The following ADAMTS17 variants were observed in gnomAD, a reference collection of about 807,000 sequenced individuals.
The protein encoded by ADAMTS17 is A disintegrin and metalloproteinase with thrombospondin motifs 17.
Under a neutral mutation model 141.5 loss-of-function variants are expected in ADAMTS17, and 113 were observed. The ratio of observed to expected loss-of-function variants is 0.80; its 90% CI spans 0.69 to 0.93. ADAMTS17 has a LOEUF of 0.93. Ranked by LOEUF, ADAMTS17 falls within the 40% of genes least tolerant of loss-of-function variation. ADAMTS17 has a pLI of 0.00. For synonymous variants in ADAMTS17, 768 were observed against 630.6 expected (o/e 1.22, Z -3.27); for missense variants, 1,659 against 1,517.9 (o/e 1.09, Z -1.54).
intron 7 of ADAMTS17, among the ~76,000 whole-genome samples, chr15:100,199,738 C>G: frequency 6.6e-6 from 1 of 152,216 alleles, no homozygotes; most frequent in East Asian, 1.9e-4. Flanking sequence ...AAAGGTAACT[C>G]TCCCAAGGTC....
Position 100,066,583 on chromosome 15 carries a change from T to A in ADAMTS17, c.2138-12529A>T, listed in dbSNP as rs532226038. On this transcript the variant is annotated intron_variant, in intron 15 of 21. Transcript: ENST00000268070. ...CTGGCTTTATCTATAAATGTCTTCATTGACATTCTCTTGGCTTTGAGAAAT... is the reference window on the plus strand; with the variant it reads ...CTGGCTTTATCTATAAATGTCTTCAATGACATTCTCTTGGCTTTGAGAAAT... Among the ~76,000 whole-genome samples the A allele has an allele frequency of 2.0e-5, 3 of 152,344 alleles. No individual in the cohort carries two copies. The South Asian group carries it at 6.2e-4, about 32-fold the overall frequency.
intron 18 of ADAMTS17, among the ~76,000 whole-genome samples, chr15:100,016,868 G>C (rs2061300492): frequency 6.6e-6 from 1 of 152,234 alleles, no homozygotes; most frequent in South Asian, 2.1e-4. Context: ...ATGCTTTCCA[G>C]AGAGCACCAG....
chr15:99,984,061 C>G (rs534196800), intron 20 of ADAMTS17, among the ~76,000 whole-genome samples: 1 of 152,288 alleles, frequency 6.6e-6, no homozygotes, highest in East Asian at 1.9e-4. Context: ...CCCAGACACC[C>G]CCTCCCACGC....
chr15:100,074,728 GC>G (rs1218864769), intron 15 of ADAMTS17, among the ~76,000 whole-genome samples: 1 of 151,976 alleles, frequency 6.6e-6, no homozygotes, highest in Non-Finnish European at 1.5e-5. Flanking sequence ...TATTATTCTT[GC>G]TTTAATTAGG....
chr15:100,207,254 C>G (rs2041609768), intron 7 of ADAMTS17, among the ~76,000 whole-genome samples: 1 of 152,140 alleles, frequency 6.6e-6, no homozygotes, highest in South Asian at 2.1e-4. Flanking sequence ...CAGGTGAGGA[C>G]ACAGTGAGAA....
chr15:100,082,474 C>A (rs2034808412), intron 15 of ADAMTS17, among the ~76,000 whole-genome samples: 2 of 151,894 alleles, frequency 1.3e-5, no homozygotes, highest in African/African-American at 2.4e-5. Flanking sequence ...TCTGCACCCC[C>A]ACCCCAGCTC....
chr15:100,150,725 C>T (rs1231228089), intron 10 of ADAMTS17, among the ~76,000 whole-genome samples: 1 of 152,174 alleles, frequency 6.6e-6, no homozygotes, highest in East Asian at 1.9e-4. Flanking sequence ...TGGCCCGCCA[C>T]ATCTCACTGG....
chr15:100,059,042 C>G (rs2032894836), intron 15 of ADAMTS17, among the ~76,000 whole-genome samples: 1 of 152,214 alleles, frequency 6.6e-6, no homozygotes, highest in Non-Finnish European at 1.5e-5. Flanking sequence ...CACCTGGCAT[C>G]AGTGAACAAG....
At chr15:100,190,304 A>T (rs1464735600) in intron 8 of ADAMTS17, among the ~76,000 whole-genome samples, 2 of 152,192 alleles carry the variant, frequency 1.3e-5, no homozygotes, top group African/African-American at 4.8e-5. Context: ...CAGACCCCCC[A>T]GCCCTTCTGC....
At chr15:100,331,240 C>A (rs535497153) in intron 2 of ADAMTS17, among the ~76,000 whole-genome samples, 186 bp from the exon 3 acceptor site, 1 of 152,144 alleles carries the variant, frequency 6.6e-6, no homozygotes, top group Non-Finnish European at 1.5e-5. Flanking sequence ...TACAAACATA[C>A]CACAGAGCAG....
rs138647293 is a variant in ADAMTS17, at chr15:100,153,132, T to C, written c.1323-370A>G. Among the ~76,000 whole-genome samples, 769 of 152,340 alleles carry C rather than the reference T, an allele frequency of 5.0e-3. 5 individuals carry two copies. Among genetic ancestry groups the C allele is most frequent in the African/African-American group, 0.018 (733 of 41,568 alleles). On this transcript the variant is annotated intron_variant, in intron 9 of 21. Coordinates refer to ENST00000268070, the MANE Select transcript of ADAMTS17 (RefSeq NM_139057.4). Reference sequence around the variant, plus strand: ...CTATGGCTTTGAGCAAAAACTATCATGAATAAAGAACAAGTACAAGTTAGA... The same window carrying C: ...CTATGGCTTTGAGCAAAAACTATCACGAATAAAGAACAAGTACAAGTTAGA...
At chr15:100,081,388 TAATA>T (rs2034725256) in intron 15 of ADAMTS17, among the ~76,000 whole-genome samples, 1 of 152,116 alleles carries the variant, frequency 6.6e-6, no homozygotes, top group Non-Finnish European at 1.5e-5. Context: ...ACACACTACT[TAATA>T]AACTCCCATA....
chr15:100,154,738 C>A (rs891829503), intron 9 of ADAMTS17, among the ~76,000 whole-genome samples: 20 of 152,164 alleles, frequency 1.3e-4, no homozygotes, highest in Admixed American at 1.0e-3. Context: ...GCCCTCCCCT[C>A]CCCAGAGGTG....
Position 100,117,223 on chromosome 15 carries a change from A to G in ADAMTS17, c.1722-210T>C, listed in dbSNP as rs2037194603. 2.6e-5 allele frequency among the ~76,000 whole-genome samples: 4 copies of G among 152,296 alleles called. No individual in the cohort carries two copies. The South Asian group carries it at 8.3e-4, about 32-fold the overall frequency. The stretch of plus-strand genomic sequence containing the variant: ...GTGAGCCCTCTGAAAGGTGCATGAG[A>G]GAACTGCAAATCAAGGTCATATGGA... On this transcript the variant is annotated intron_variant, in intron 12 of 21. Coordinates refer to ENST00000268070, the MANE Select transcript of ADAMTS17 (RefSeq NM_139057.4).
intron 7 of ADAMTS17, among the ~76,000 whole-genome samples, chr15:100,220,584 C>CA (rs2042103600): frequency 6.6e-6 from 1 of 152,160 alleles, no homozygotes. Flanking sequence ...AGTACTTTCT[C>CA]AAAGTTGTGC....
At chr15:100,147,503 G>A (rs1329921816) in intron 10 of ADAMTS17, among the ~76,000 whole-genome samples, 1 of 152,136 alleles carries the variant, frequency 6.6e-6, no homozygotes. Flanking sequence ...CTACACCACT[G>A]CCTGCTGTAG....
intron 8 of ADAMTS17, among the ~76,000 whole-genome samples, chr15:100,160,201 C>T (rs976699535): frequency 1.3e-5 from 2 of 152,214 alleles, no homozygotes; most frequent in Non-Finnish European, 2.9e-5. Context: ...TCTCTAAAAC[C>T]TCTTTCCCTA....
At chr15:100,245,777 G>T (rs2042967937) in intron 7 of ADAMTS17, among the ~76,000 whole-genome samples, 1 of 152,198 alleles carries the variant, frequency 6.6e-6, no homozygotes, top group African/African-American at 2.4e-5. Context: ...AGAACTTACA[G>T]ATTTTGTAGG....
rs78180095 is a variant in ADAMTS17 at position 100,163,922 on chromosome 15, G to C, written c.1182-8602C>G. On this transcript the variant is annotated intron_variant, in intron 8 of 21. Coordinates refer to ENST00000268070, the MANE Select transcript of ADAMTS17 (RefSeq NM_139057.4). ...TCTTCACAGCCTCCAGATGTAACAGGGATAGAAGCGGCCATCATCTCCCCT... is the reference window on the plus strand; with the variant it reads ...TCTTCACAGCCTCCAGATGTAACAGCGATAGAAGCGGCCATCATCTCCCCT... 4.9e-3 allele frequency among the ~76,000 whole-genome samples: 750 copies of C among 152,270 alleles called. 19 individuals carry two copies. The highest frequency in any genetic ancestry group is 0.038 in the East Asian group (198 of 5,184).
Sources: allele counts gnomAD v4.1 joint callset (sites outside exome capture counted in the v4.1 genomes callset), GRCh38; gene constraint gnomAD v4.1.1; transcripts MANE v1.5; gene names NCBI Gene and HGNC (gene_info 2026-07-23, HGNC 2026-07-21).